PCDH7: variants seen among roughly 807,000 people sequenced by gnomAD.
The protein encoded by PCDH7 is protocadherin-7.
Under a neutral mutation model 58.9 loss-of-function variants are expected in PCDH7, and 17 were observed. The observed-to-expected ratio is 0.29, with a 90% CI of 0.20 to 0.43. PCDH7 has a LOEUF of 0.43. PCDH7 is among the 20% of genes least tolerant of loss of function. The pLI, the probability that PCDH7 is intolerant of heterozygous loss-of-function variation, is 1.00. For missense variants in PCDH7, 1,274 were observed against 1,441.0 expected, an observed-to-expected ratio of 0.88 and a Z score of 1.88; for synonymous variants, 664 against 616.4, an observed-to-expected ratio of 1.08 and a Z score of -1.14.
chr4:31,068,607 C>G (rs543418075), intron 3 of PCDH7, among the ~76,000 whole-genome samples: 56 of 152,004 alleles, frequency 3.7e-4, no homozygotes, highest in African/African-American at 1.3e-3. Context: ...CTATAATAAC[C>G]CAGCAAGGTC....
chr4:30,790,648 T>C (rs1015402458), intron 1 of PCDH7, among the ~76,000 whole-genome samples: 17 of 152,150 alleles, frequency 1.1e-4, no homozygotes, highest in Non-Finnish European at 2.2e-4. Context: ...GGGCTGGCCA[T>C]GGTGGCTTAT....
chr4:31,003,904 G>C (rs946281111), intron 3 of PCDH7, among the ~76,000 whole-genome samples: 5 of 152,110 alleles, frequency 3.3e-5, no homozygotes, highest in African/African-American at 1.2e-4. Flanking sequence ...ATCTGTACCA[G>C]TTTCTTCATT....
intron 3 of PCDH7, among the ~76,000 whole-genome samples, chr4:30,956,250 C>T (rs867327457): frequency 1.2e-4 from 18 of 151,462 alleles, no homozygotes; most frequent in Admixed American, 5.9e-4. Context: ...AAGTGAATTC[C>T]AATGCTAATG....
chr4:30,752,802 A>T (rs941757244), intron 1 of PCDH7, among the ~76,000 whole-genome samples: 7 of 143,094 alleles, frequency 4.9e-5, no homozygotes, highest in African/African-American at 1.8e-4. Context: ...AAAAAAAAAA[A>T]GAAAGAAAAA....
chr4:31,060,416 C>A (rs1757596348), intron 3 of PCDH7, among the ~76,000 whole-genome samples: 1 of 151,674 alleles, frequency 6.6e-6, no homozygotes, highest in South Asian at 2.1e-4. Context: ...TTCTTAAATG[C>A]TTTTGTCTTC....
chr4:30,855,096 A>C (rs557426758), intron 1 of PCDH7, among the ~76,000 whole-genome samples: 19 of 152,284 alleles, frequency 1.2e-4, no homozygotes, highest in African/African-American at 3.6e-4. Context: ...TTCAGTGTTC[A>C]CAAAATCTGC....
At chr4:30,840,031 T>A (rs1156278414) in intron 1 of PCDH7, among the ~76,000 whole-genome samples, 1 of 132,204 alleles carries the variant, frequency 7.6e-6, no homozygotes, top group Non-Finnish European at 1.6e-5. Context: ...TGATGATGAG[T>A]GTGTGTGTGT....
chr4:30,908,855 C>G (rs754279296), intron 1 of PCDH7, among the ~76,000 whole-genome samples: 1 of 152,074 alleles, frequency 6.6e-6, no homozygotes, highest in Non-Finnish European at 1.5e-5. Context: ...ATCCTGATAC[C>G]AAAAGCTGGC....
intron 1 of PCDH7, among the ~76,000 whole-genome samples, chr4:30,861,856 A>G (rs904210256): frequency 3.3e-5 from 5 of 152,116 alleles, no homozygotes; most frequent in African/African-American, 1.2e-4. Context: ...GAAGTAGAGC[A>G]CCTTGTTAGC....
chr4:30,905,490 A>G (rs1740803243), intron 1 of PCDH7, among the ~76,000 whole-genome samples: 1 of 152,122 alleles, frequency 6.6e-6, no homozygotes, highest in Non-Finnish European at 1.5e-5. Context: ...CCACAAAAAT[A>G]AAAGAAACCT....
chr4:30,906,838 C>T (rs568958948), intron 1 of PCDH7, among the ~76,000 whole-genome samples: 1 of 152,090 alleles, frequency 6.6e-6, no homozygotes, highest in East Asian at 1.9e-4. Flanking sequence ...GGTTGGCCAA[C>T]ATGGTGAAAC....
intron 3 of PCDH7, among the ~76,000 whole-genome samples, chr4:31,118,617 T>C (rs1249341394): frequency 6.6e-6 from 1 of 152,166 alleles, no homozygotes; most frequent in African/African-American, 2.4e-5. Context: ...TGTTTGGGGA[T>C]AGTCTGACCT....
chr4:30,825,552 G>A (rs1034093062), intron 1 of PCDH7, among the ~76,000 whole-genome samples: 11 of 152,098 alleles, frequency 7.2e-5, no homozygotes, highest in Non-Finnish European at 1.2e-4. Flanking sequence ...AAACATGTCA[G>A]AAATCTGTAT....
At chr4:30,921,180 G>A (rs1743145393) in intron 2 of PCDH7, among the ~76,000 whole-genome samples, 1 of 152,018 alleles carries the variant, frequency 6.6e-6, no homozygotes, top group Admixed American at 6.6e-5. Context: ...CTGAGGAATA[G>A]GTTTGTGTCA....
chr4:30,811,149 C>T (rs1726941601), intron 1 of PCDH7, among the ~76,000 whole-genome samples: 1 of 152,166 alleles, frequency 6.6e-6, no homozygotes, highest in Non-Finnish European at 1.5e-5. Flanking sequence ...AAGCTTCAAA[C>T]ATTCCTTTCA....
chr4:30,866,384 G>A (rs914575120), intron 1 of PCDH7, among the ~76,000 whole-genome samples: 1 of 152,058 alleles, frequency 6.6e-6, no homozygotes, highest in Non-Finnish European at 1.5e-5. Flanking sequence ...CAGATGCTTA[G>A]TCAGCTTGTG....
intron 1 of PCDH7, among the ~76,000 whole-genome samples, chr4:30,787,259 G>A (rs1723522310): frequency 6.6e-6 from 1 of 152,016 alleles, no homozygotes; most frequent in Non-Finnish European, 1.5e-5. Context: ...CTAATTGGAT[G>A]CATTATATAG....
intron 3 of PCDH7, among the ~76,000 whole-genome samples, chr4:31,116,293 G>T (rs746575780): frequency 3.3e-5 from 5 of 152,164 alleles, no homozygotes; most frequent in African/African-American, 4.8e-5. Context: ...ACCAAAAGTG[G>T]ATTTGGTTAT....
chr4:30,878,351 A>G (rs1736545760), intron 1 of PCDH7, among the ~76,000 whole-genome samples: 1 of 152,160 alleles, frequency 6.6e-6, no homozygotes. Flanking sequence ...TTGCCCAGAA[A>G]TTATAATCAA....
Sources: gnomAD v4.1 joint callset for allele counts (sites outside exome capture counted in the v4.1 genomes callset) on GRCh38, gnomAD v4.1.1 for gene constraint, MANE v1.5 for transcripts, NCBI Gene and HGNC (gene_info 2026-07-23, HGNC 2026-07-21) for gene names.